The following MTCH2 variants were observed in gnomAD, a reference collection of about 807,000 sequenced individuals.
The protein encoded by MTCH2 is mitochondrial carrier homolog 2.
A neutral mutation model predicts 50.6 loss-of-function variants in MTCH2; 25 were observed. The ratio of observed to expected loss-of-function variants is 0.49; its 90% CI spans 0.36 to 0.69. MTCH2 has a LOEUF of 0.69. MTCH2 is among the 30% of genes least tolerant of loss of function. The pLI is 0.00. For missense variants in MTCH2, 273 were observed against 384.4 expected, an observed-to-expected ratio of 0.71 and a Z score of 2.42; for synonymous variants, 106 against 132.0, an observed-to-expected ratio of 0.80 and a Z score of 1.35.
chr11:47,632,414 C>T (rs1372107519), intron 5 of MTCH2, among the ~76,000 whole-genome samples: 7 of 148,604 alleles, frequency 4.7e-5, no homozygotes, highest in Non-Finnish European at 7.4e-5. Flanking sequence ...AGTGCAGTGG[C>T]GCGAACTCGG....
At chr11:47,623,325 TTGCACTAC>T (rs1265266619) in intron 11 of MTCH2, among the ~76,000 whole-genome samples, 1 of 145,456 alleles carries the variant, frequency 6.9e-6, no homozygotes, top group Non-Finnish European at 1.5e-5. Flanking sequence ...TGAGCCAAGA[TTGCACTAC>T]TGCACTCCAG....
intron 1 of MTCH2, among the ~76,000 whole-genome samples, 158 bp from the exon 2 acceptor site, chr11:47,639,209 G>C (rs756504828): frequency 6.6e-5 from 10 of 152,168 alleles, no homozygotes; most frequent in Non-Finnish European, 1.0e-4. Flanking sequence ...CATTCTTGTA[G>C]GTTTTTCTTC....
At chr11:47,606,063 G>C in the MTCH2 span, among the ~76,000 whole-genome samples, 2 of 152,008 alleles carry the variant, frequency 1.3e-5, no homozygotes, top group Non-Finnish European at 2.9e-5. Flanking sequence ...TGTCCTTTTC[G>C]CCGCAGCTTT....
chr11:47,608,242 G>T, the MTCH2 span, among the ~76,000 whole-genome samples: 2 of 152,204 alleles, frequency 1.3e-5, no homozygotes, highest in African/African-American at 4.8e-5. Flanking sequence ...GAACATTTAT[G>T]TTATGTCAGT....
chr11:47,637,882 C>CTA (rs1344876117), intron 3 of MTCH2, among the ~76,000 whole-genome samples: 2 of 152,136 alleles, frequency 1.3e-5, no homozygotes, highest in Non-Finnish European at 2.9e-5. Context: ...TCACTTGTTT[C>CTA]TATACTTTGT....
intron 3 of MTCH2, among the ~76,000 whole-genome samples, 198 bp downstream of exon 3, chr11:47,638,501 G>A (rs199771400): frequency 1.8e-5 from 2 of 113,520 alleles, no homozygotes; most frequent in African/African-American, 7.0e-5. Context: ...AGCCCAGATC[G>A]CGCCACTACA....
rs750045545 is a variant in MTCH2 at position 47,628,961 on chromosome 11, C to T, written c.625G>A (p.Asp209Asn). 1 of 1,613,604 alleles carries T rather than the reference C, an allele frequency of 6.2e-7. No individual in the cohort carries two copies. Among genetic ancestry groups the T allele is most frequent in the South Asian group, 1.1e-5 (1 of 91,048 alleles). The stretch of plus-strand genomic sequence containing the variant: ...CGAAGGTCACAACCTACCCCACTGT[C>T]CAGTGCATAGGTATTGACGAGGTAG... ...LAYLVNTYAL[D>N]SGVSTMNEMK... Residue 209 changes from aspartate to asparagine, a missense_variant, in exon 9 of 13, where the codon GAC (aspartate) becomes AAC (asparagine). Asp to Asn is a conservative substitution (Grantham distance 23). This residue lies in a region of MTCH2 where 70 missense variants were observed against 140.1 expected (regional missense o/e 0.50). Transcript: ENST00000302503.
intron 5 of MTCH2, among the ~76,000 whole-genome samples, chr11:47,634,141 T>A (rs2097306299): frequency 6.6e-6 from 1 of 151,970 alleles, no homozygotes; most frequent in African/African-American, 2.4e-5. Context: ...GGTGGCACAA[T>A]CATAGCTCAC....
rs748620805 is a variant in MTCH2 at position 47,630,575 on chromosome 11, C to G, written c.519G>C (p.Glu173Asp). The G allele has an allele frequency of 6.2e-7, 1 of 1,612,924 alleles. No homozygotes were observed. The highest frequency in any genetic ancestry group is 8.5e-7 in the Non-Finnish European group (1 of 1,179,082). ...CTCACGCGAAAAATCCTAGAATGCC[C>G]TCTTCCCGATAGATGGTTATTATGG... ...CDSIITIYRE[E>D]GILGFFAGLV... Residue 173 changes from glutamate (E) to aspartate (D), a missense_variant, in exon 8 of 13, where the codon GAG becomes GAC. Transcript: ENST00000302503.
At chr11:47,635,496 C>A in intron 4 of MTCH2, 49 bp downstream of exon 4, 3 of 1,598,396 alleles carry the variant, frequency 1.9e-6, no homozygotes, top group Non-Finnish European at 2.6e-6. Context: ...AAAGCAGTAA[C>A]AACTTGCAAG....
chr11:47,612,464 G>C (rs1362878721), downstream of MTCH2, among the ~76,000 whole-genome samples: 1 of 151,984 alleles, frequency 6.6e-6, no homozygotes, highest in Non-Finnish European at 1.5e-5. Context: ...GCTACTTGGG[G>C]GCTGACGCAG....
At chr11:47,618,985 A>G (rs2097290738) in intron 12 of MTCH2, 66 bp from the exon 13 acceptor site, 1 of 1,418,712 alleles carries the variant, frequency 7.0e-7, no homozygotes, top group Non-Finnish European at 9.9e-7. Context: ...AATCCAAATC[A>G]GCAGAGAGGT....
the MTCH2 span, among the ~76,000 whole-genome samples, chr11:47,607,136 C>A: frequency 2.0e-5 from 3 of 152,140 alleles, no homozygotes; most frequent in African/African-American, 7.2e-5. Context: ...TCACTTAAAT[C>A]TTTATCTCTG....
chr11:47,629,098 G>T, intron 8 of MTCH2, 52 bp from the exon 9 acceptor site: 1 of 1,401,412 alleles, frequency 7.1e-7, no homozygotes, highest in Non-Finnish European at 1.0e-6. Flanking sequence ...TCAGTAACAT[G>T]ACAGGCTCTT....
chr11:47,629,869 T>G (rs987003560), intron 8 of MTCH2, among the ~76,000 whole-genome samples: 24 of 152,018 alleles, frequency 1.6e-4, no homozygotes, highest in African/African-American at 5.8e-4. Flanking sequence ...AAAAACTTAC[T>G]CTTTTACGGT....
Position 47,642,506 on chromosome 11 carries a change from C to G in MTCH2, c.-41G>C, listed in dbSNP as rs746575042. The G allele has an allele frequency of 1.3e-6, 2 of 1,520,302 alleles. No homozygotes were observed. The highest frequency in any genetic ancestry group is 2.6e-5 in the East Asian group (1 of 39,076). 94.2% of individuals were successfully genotyped at this position (1,520,302 alleles called of 1,614,324 possible). On this transcript the variant is annotated 5_prime_UTR_variant, in exon 1 of 13. Transcript: ENST00000302503. ...CGGACGGACAGACAGACGGAGCCAC[C>G]AAGCGACCCGGTGAGCCGGTCCTAG...
chr11:47,636,622 C>T (rs7935802), intron 3 of MTCH2, among the ~76,000 whole-genome samples: 5 of 151,470 alleles, frequency 3.3e-5, no homozygotes, highest in Non-Finnish European at 7.4e-5. Flanking sequence ...ATCCCAGCTA[C>T]GTGGGAAGCT....
downstream of MTCH2, among the ~76,000 whole-genome samples, chr11:47,614,032 G>A (rs1433287799): frequency 1.3e-5 from 2 of 151,972 alleles, no homozygotes; most frequent in South Asian, 2.1e-4. Context: ...GTTGCAGTGA[G>A]CCGAGATCAG....
At chr11:47,635,776 A>C (rs1352361617) in intron 3 of MTCH2, among the ~76,000 whole-genome samples, 1 of 152,050 alleles carries the variant, frequency 6.6e-6, no homozygotes, top group Non-Finnish European at 1.5e-5. Flanking sequence ...CTTGTTGCTA[A>C]GTTTAACATA....
Sources: gnomAD v4.1 joint callset for allele counts (sites outside exome capture counted in the v4.1 genomes callset) on GRCh38, gnomAD v4.1.1 for gene constraint, gnomAD v4.1.1 regional missense constraint, MANE v1.5 for transcripts, NCBI Gene and HGNC (gene_info 2026-07-23, HGNC 2026-07-21) for gene names.